Variants in KIF26B observed in about 807,000 individuals in gnomAD.
KIF26B encodes kinesin family member 26B, also known as kinesin-like protein KIF26B.
A neutral mutation model predicts 151.2 loss-of-function variants in KIF26B; 63 were observed. That is an observed-to-expected ratio of 0.42 (90% confidence interval 0.34 to 0.51). KIF26B has a LOEUF of 0.51. Ranked by LOEUF, KIF26B falls within the 20% of genes least tolerant of loss-of-function variation. KIF26B has a pLI of 0.07. For missense variants in KIF26B, 2,813 were observed against 2,913.6 expected (o/e 0.97, Z 0.79); for synonymous variants, 1,357 against 1,262.1 (o/e 1.08, Z -1.59).
At chr1:245,603,442 G>A (rs1487230081) in intron 6 of KIF26B, among the ~76,000 whole-genome samples, 3 of 152,192 alleles carry the variant, frequency 2.0e-5, no homozygotes, top group African/African-American at 7.2e-5. Context: ...AGCTCTTCTG[G>A]TCCTAGCTCA....
chr1:245,267,649 CACACACACA>C (rs1670771850), intron 2 of KIF26B, among the ~76,000 whole-genome samples: 3 of 104,564 alleles, frequency 2.9e-5, no homozygotes, highest in African/African-American at 1.1e-4. Context: ...CACACACACA[CACACACACA>C]CACACACACA....
intron 4 of KIF26B, among the ~76,000 whole-genome samples, chr1:245,471,794 C>CT (rs35302412): frequency 3.2e-4 from 47 of 145,244 alleles, no homozygotes; most frequent in Non-Finnish European, 3.0e-4. Flanking sequence ...TTAGATCTTA[C>CT]TTTTTTTTTT....
intron 4 of KIF26B, among the ~76,000 whole-genome samples, chr1:245,474,995 A>T (rs902964977): frequency 6.6e-6 from 1 of 151,866 alleles, no homozygotes; most frequent in African/African-American, 2.4e-5. Context: ...AAACAAAAAA[A>T]AATTGGGGGT....
rs1672967692 is a variant in KIF26B at position 245,366,911 on chromosome 1, C to G, written c.543C>G (p.Asp181Glu). ...TCCGGAAGGCATGGAACGACCGGGA[C>G]AACCGCTGTGACATTTGCGCCACTC... ...NTIRKAWNDR[D>E]NRCDICATHL... The change falls in exon 3 of 15, where the codon GAC becomes GAG. Residue 181 changes from aspartate (D) to glutamate (E), a missense_variant. Asp to Glu is a conservative substitution (Grantham distance 45, BLOSUM62 2). Coordinates refer to ENST00000407071, the MANE Select transcript of KIF26B (RefSeq NM_018012.4). 2 of 1,613,958 alleles carry G rather than the reference C, an allele frequency of 1.2e-6. No individual in the cohort carries two copies. Among genetic ancestry groups the G allele is most frequent in the Non-Finnish European group, 1.7e-6 (2 of 1,179,912 alleles).
chr1:245,443,608 G>T (rs1466580708), intron 4 of KIF26B, among the ~76,000 whole-genome samples: 22 of 102,624 alleles, frequency 2.1e-4, no homozygotes, highest in African/African-American at 6.1e-4. Flanking sequence ...CACCTAGAGC[G>T]GTCATCTCCC....
chr1:245,249,471 G>A (rs1190602939), intron 2 of KIF26B, among the ~76,000 whole-genome samples: 1 of 144,162 alleles, frequency 6.9e-6, no homozygotes, highest in Non-Finnish European at 1.5e-5. Context: ...TCCCTTGTTT[G>A]TGCATATGTG....
At chr1:245,658,660 G>A (rs921338506) in intron 10 of KIF26B, among the ~76,000 whole-genome samples, 3 of 152,040 alleles carry the variant, frequency 2.0e-5, no homozygotes, top group Non-Finnish European at 2.9e-5. Flanking sequence ...CCAAAGTGCT[G>A]GGATTACAGG....
At chr1:245,374,004 G>C (rs428244) in intron 3 of KIF26B, among the ~76,000 whole-genome samples, 1 of 132,190 alleles carries the variant, frequency 7.6e-6, no homozygotes, top group Admixed American at 8.6e-5. Flanking sequence ...GCTGCAGGAA[G>C]ATGTGATTGT....
intron 2 of KIF26B, chr1:245,206,377 G>A (rs995035938): frequency 6.6e-6 from 1 of 152,186 alleles, no homozygotes; most frequent in African/African-American, 2.4e-5. Flanking sequence ...TTTGCACAAA[G>A]GATTAAGCAT....
intron 4 of KIF26B, among the ~76,000 whole-genome samples, chr1:245,531,578 CTCTGAG>C (rs1661360564): frequency 1.3e-5 from 2 of 152,142 alleles, no homozygotes; most frequent in Non-Finnish European, 1.5e-5. Flanking sequence ...AATCTTGGAA[CTCTGAG>C]TCTGTTAGTA....
At chr1:245,595,837 A>C (rs2043331784) in intron 5 of KIF26B, among the ~76,000 whole-genome samples, 2 of 152,226 alleles carry the variant, frequency 1.3e-5, no homozygotes, top group South Asian at 4.1e-4. Context: ...CCTCAATTTC[A>C]GAACTAGATA....
intron 2 of KIF26B, among the ~76,000 whole-genome samples, chr1:245,346,167 A>G (rs1323020772): frequency 4.0e-5 from 6 of 148,242 alleles, no homozygotes; most frequent in South Asian, 2.2e-4. Context: ...CTGGTCTTGA[A>G]CTCCTGACCT....
At chr1:245,549,966 A>T (rs1661838707) in intron 5 of KIF26B, among the ~76,000 whole-genome samples, 1 of 152,070 alleles carries the variant, frequency 6.6e-6, no homozygotes, top group Non-Finnish European at 1.5e-5. Context: ...TTTAGTAGAG[A>T]GGGGGTTTCA....
chr1:245,405,247 A>G (rs554068265), intron 3 of KIF26B, among the ~76,000 whole-genome samples: 1 of 152,218 alleles, frequency 6.6e-6, no homozygotes, highest in African/African-American at 2.4e-5. Context: ...GATCAGCCTC[A>G]TGGAGTAAGG....
intron 2 of KIF26B, among the ~76,000 whole-genome samples, chr1:245,175,324 G>T (rs1205807183): frequency 6.6e-6 from 1 of 152,072 alleles, no homozygotes; most frequent in African/African-American, 2.4e-5. Flanking sequence ...ATAGCAGCTA[G>T]AAGTAAGTCT....
intron 9 of KIF26B, among the ~76,000 whole-genome samples, chr1:245,635,103 T>G (rs2043821061): frequency 2.0e-5 from 3 of 151,238 alleles, no homozygotes; most frequent in Non-Finnish European, 4.4e-5. Flanking sequence ...TTTGTGTTTT[T>G]TTTTTTTTTT....
intron 2 of KIF26B, among the ~76,000 whole-genome samples, chr1:245,202,217 G>T (rs956540030): frequency 2.6e-5 from 4 of 152,044 alleles, no homozygotes; most frequent in Non-Finnish European, 5.9e-5. Context: ...CATTTACCTC[G>T]CCATCTCTCG....
At chr1:245,390,943 A>AAAAAAAAAAACAAAACAAAACAAAAC (rs1553270131) in intron 3 of KIF26B, among the ~76,000 whole-genome samples, 5 of 118,412 alleles carry the variant, frequency 4.2e-5, no homozygotes, top group African/African-American at 2.0e-4. Context: ...AAAAAAAAAA[A>AAAAAAAAAAACAAAACAAAACAAAAC]AAAAAAAAAC....
chr1:245,414,783 G>A lies in KIF26B; in HGVS notation c.1000-4796G>A, dbSNP rs186579862. ...AGAAGGGACAGAACATTTGTCTCTG[G>A]CTGACTACAAGTTTCTTTATCTACC... On this transcript the variant is annotated intron_variant, in intron 3 of 14. Coordinates refer to ENST00000407071, the MANE Select transcript of KIF26B (RefSeq NM_018012.4). 1.2e-4 allele frequency among the ~76,000 whole-genome samples: 18 copies of A among 152,326 alleles called. No homozygotes were observed. In the East Asian group the frequency reaches 3.5e-3, roughly 29 times the overall value.
Sources: gnomAD v4.1 joint callset for allele counts (sites outside exome capture counted in the v4.1 genomes callset) on GRCh38, gnomAD v4.1.1 for gene constraint, MANE v1.5 for transcripts, NCBI Gene and HGNC (gene_info 2026-07-23, HGNC 2026-07-21) for gene names.